The following FER variants were observed in gnomAD, a reference collection of about 807,000 sequenced individuals.
The protein encoded by FER is FER tyrosine kinase.
A neutral mutation model predicts 111.0 loss-of-function variants in FER; 63 were observed. The observed-to-expected ratio is 0.57, with a 90% CI of 0.46 to 0.70. The LOEUF is 0.70. Among genes scored for constraint, FER ranks in the 30% least tolerant of loss-of-function variants. The pLI is 0.00. For synonymous variants in FER, 327 were observed against 313.9 expected (o/e 1.04, Z -0.44); for missense variants, 914 against 954.0 (o/e 0.96, Z 0.55).
At chr5:109,019,010 T>C (rs917813700) in intron 13 of FER, among the ~76,000 whole-genome samples, 5 of 151,542 alleles carry the variant, frequency 3.3e-5, no homozygotes, top group Non-Finnish European at 3.0e-5. Context: ...ATAGGTATTA[T>C]CTAACACCAT....
rs371953969 is a variant in FER at position 109,107,559 on chromosome 5, C to A, written c.2048+7040C>A. ...TTATAAGTTCTCATCATTTAGCTCA[C>A]ACTTATAAGTGAGAATATGCAATAT... is the stretch of plus-strand genomic sequence containing the variant. On this transcript the variant is annotated intron_variant, in intron 17 of 19. Transcript: ENST00000281092. Among the ~76,000 whole-genome samples, 12 of 152,178 alleles carry A rather than the reference C, an allele frequency of 7.9e-5. No individual in the cohort carries two copies. The East Asian group carries it at 1.4e-3, about 17-fold the overall frequency.
intron 13 of FER, among the ~76,000 whole-genome samples, chr5:108,993,570 G>GGGGAGAGGGAGAGGGAGA (rs372340070): frequency 1.4e-5 from 2 of 144,552 alleles, no homozygotes; most frequent in African/African-American, 5.3e-5. Context: ...GGGAGACCGT[G>GGGGAGAGGGAGAGGGAGA]GGGAGAGGGA....
intron 17 of FER, among the ~76,000 whole-genome samples, chr5:109,121,505 T>G (rs1750971638): frequency 6.6e-6 from 1 of 152,162 alleles, no homozygotes; most frequent in African/African-American, 2.4e-5. Context: ...ATTCTTACTT[T>G]GAGGATTTTT....
At chr5:108,953,559 G>A (rs1758037579) in intron 11 of FER, among the ~76,000 whole-genome samples, 2 of 151,628 alleles carry the variant, frequency 1.3e-5, no homozygotes, top group South Asian at 4.2e-4. Context: ...GAATGAGTTT[G>A]GATAACATGA....
At chr5:109,132,541 G>A (rs138795954) in intron 17 of FER, among the ~76,000 whole-genome samples, 1 of 152,208 alleles carries the variant, frequency 6.6e-6, no homozygotes, top group Non-Finnish European at 1.5e-5. Context: ...GGGAAGGAAG[G>A]TCTGCTCTAC....
chr5:109,032,146 G>C (rs1769716517), intron 13 of FER, among the ~76,000 whole-genome samples: 1 of 152,138 alleles, frequency 6.6e-6, no homozygotes, highest in Non-Finnish European at 1.5e-5. Flanking sequence ...GGTGGCTTCT[G>C]TGGGCTATGC....
At chr5:108,882,318 T>C (rs1765761443) in intron 8 of FER, among the ~76,000 whole-genome samples, 1 of 152,122 alleles carries the variant, frequency 6.6e-6, no homozygotes, top group Non-Finnish European at 1.5e-5. Flanking sequence ...TATTACTGGA[T>C]ATTCCAAGTA....
intron 16 of FER, among the ~76,000 whole-genome samples, chr5:109,081,553 C>A (rs1307440156): frequency 6.6e-6 from 1 of 151,676 alleles, no homozygotes; most frequent in Non-Finnish European, 1.5e-5. Context: ...TATTTCATAC[C>A]CTGAATGATA....
intron 13 of FER, among the ~76,000 whole-genome samples, chr5:109,036,683 TCTTA>T (rs977928351): frequency 6.6e-6 from 1 of 152,008 alleles, no homozygotes; most frequent in African/African-American, 2.4e-5. Context: ...CTTCCTTTTC[TCTTA>T]CTTTTTTCCT....
intron 10 of FER, among the ~76,000 whole-genome samples, chr5:108,908,453 A>G (rs1292130374): frequency 6.6e-6 from 1 of 152,208 alleles, no homozygotes; most frequent in Non-Finnish European, 1.5e-5. Flanking sequence ...AATCAAAAGT[A>G]ATTACTTGGC....
intron 13 of FER, among the ~76,000 whole-genome samples, chr5:108,964,688 G>T (rs1332983414): frequency 1.3e-5 from 2 of 152,132 alleles, no homozygotes; most frequent in Non-Finnish European, 2.9e-5. Context: ...CATCATTTGA[G>T]TAGAAATTCA....
chr5:108,879,209 G>A (rs1765391272), intron 8 of FER, among the ~76,000 whole-genome samples: 1 of 151,800 alleles, frequency 6.6e-6, no homozygotes, highest in Non-Finnish European at 1.5e-5. Context: ...AAAATATAAA[G>A]AATAAGCCAT....
chr5:109,045,281 GTATATACAT>G (rs1349843422), intron 15 of FER, among the ~76,000 whole-genome samples: 1 of 135,990 alleles, frequency 7.4e-6, no homozygotes, highest in African/African-American at 2.9e-5. Context: ...ATACATTTAA[GTATATACAT>G]TATATACATT....
chr5:109,125,422 TAA>T (rs1751586268), intron 17 of FER, among the ~76,000 whole-genome samples: 1 of 152,210 alleles, frequency 6.6e-6, no homozygotes. Flanking sequence ...AAATTTTTCT[TAA>T]AAGTGTCTTA....
At chr5:108,765,812 A>G (rs1353478699) in intron 1 of FER, among the ~76,000 whole-genome samples, 4 of 152,168 alleles carry the variant, frequency 2.6e-5, no homozygotes, top group African/African-American at 9.7e-5. Flanking sequence ...AATTGGATAC[A>G]TATATAATGT....
chr5:108,763,331 C>T (rs1278772961), intron 1 of FER, among the ~76,000 whole-genome samples: 1 of 152,126 alleles, frequency 6.6e-6, no homozygotes, highest in Non-Finnish European at 1.5e-5. Context: ...AAAGCAGTGG[C>T]CAGAGAAATA....
intron 10 of FER, among the ~76,000 whole-genome samples, chr5:108,938,632 G>T (rs866317829): frequency 6.6e-6 from 1 of 151,944 alleles, no homozygotes; most frequent in South Asian, 2.1e-4. Flanking sequence ...ATGTAGCATG[G>T]CATCTAAGTT....
At chr5:108,751,520 G>C (rs973509173) in intron 1 of FER, among the ~76,000 whole-genome samples, 1 of 152,174 alleles carries the variant, frequency 6.6e-6, no homozygotes, top group Non-Finnish European at 1.5e-5. Context: ...TGTGTAAATA[G>C]ATTATAGTTT....
intron 10 of FER, among the ~76,000 whole-genome samples, chr5:108,939,120 G>A (rs1378257424): frequency 6.6e-6 from 1 of 151,954 alleles, no homozygotes; most frequent in Non-Finnish European, 1.5e-5. Context: ...CTTTTGAGCA[G>A]TTGTTTTATT....
Sources: gnomAD v4.1 joint callset for allele counts (sites outside exome capture counted in the v4.1 genomes callset) on GRCh38, gnomAD v4.1.1 for gene constraint, MANE v1.5 for transcripts, NCBI Gene and HGNC (gene_info 2026-07-23, HGNC 2026-07-21) for gene names.